The following SND1 variants were observed in gnomAD, a reference collection of about 807,000 sequenced individuals.
SND1 encodes staphylococcal nuclease and tudor domain containing 1, also known as staphylococcal nuclease domain-containing protein 1.
Under a neutral mutation model 121.7 loss-of-function variants are expected in SND1, and 38 were observed. The observed-to-expected ratio is 0.31, with a 90% CI of 0.24 to 0.41. The LOEUF is 0.41. SND1 is among the 10% of genes least tolerant of loss of function. The pLI, the probability that SND1 is intolerant of heterozygous loss-of-function variation, is 1.00. For synonymous variants in SND1, 401 were observed against 447.4 expected, an observed-to-expected ratio of 0.90 and a Z score of 1.31; for missense variants, 868 against 1,184.6, an observed-to-expected ratio of 0.73 and a Z score of 3.92.
chr7:128,014,026 T>A (rs917964223), intron 16 of SND1, among the ~76,000 whole-genome samples: 1 of 152,238 alleles, frequency 6.6e-6, no homozygotes, highest in African/African-American at 2.4e-5. Flanking sequence ...TCTCCTTCCT[T>A]GCCTGGGGCT....
intron 1 of SND1, among the ~76,000 whole-genome samples, chr7:127,684,785 T>C (rs1410352230): frequency 6.6e-6 from 1 of 152,158 alleles, no homozygotes; most frequent in Non-Finnish European, 1.5e-5. Flanking sequence ...TGTGTGTGTG[T>C]GCCATGGTAT....
intron 22 of SND1, 128 bp from the exon 23 acceptor site, chr7:128,091,709 C>G: frequency 1.1e-6 from 1 of 930,216 alleles, no homozygotes; most frequent in Non-Finnish European, 1.8e-6. Flanking sequence ...TCTGAGGGAA[C>G]TAAGGCTCCA....
At chr7:128,042,677 C>T (rs999563090) in intron 16 of SND1, among the ~76,000 whole-genome samples, 5 of 152,138 alleles carry the variant, frequency 3.3e-5, no homozygotes, top group Admixed American at 6.5e-5. Context: ...TCTTTTGCAC[C>T]TATTATCTGA....
intron 11 of SND1, among the ~76,000 whole-genome samples, chr7:127,822,747 G>A (rs1378793288): frequency 1.3e-5 from 2 of 152,024 alleles, no homozygotes; most frequent in Non-Finnish European, 2.9e-5. Context: ...TTACTGTTTT[G>A]TAACCTGCAA....
intron 15 of SND1, among the ~76,000 whole-genome samples, chr7:127,951,368 G>C (rs971951738): frequency 6.6e-5 from 10 of 152,198 alleles, no homozygotes; most frequent in African/African-American, 1.9e-4. Flanking sequence ...AACTAAAATA[G>C]TGACACTCAT....
At chr7:127,870,021 G>A (rs1162926677) in intron 12 of SND1, among the ~76,000 whole-genome samples, 1 of 152,144 alleles carries the variant, frequency 6.6e-6, no homozygotes, top group East Asian at 1.9e-4. Flanking sequence ...GTAGGAGACA[G>A]GCTGTCATGG....
At chr7:127,930,317 ATGCTTGC>A (rs1444909350) in intron 15 of SND1, among the ~76,000 whole-genome samples, 1 of 152,224 alleles carries the variant, frequency 6.6e-6, no homozygotes, top group Admixed American at 6.5e-5. Flanking sequence ...AACGGGAGTC[ATGCTTGC>A]TGCCTCCTGC....
At chr7:128,028,482 A>T in intron 16 of SND1, 9 of 502,548 alleles carry the variant, frequency 1.8e-5, no homozygotes, top group South Asian at 6.2e-5. Flanking sequence ...CACCCCCTTT[A>T]AATAGAACTT....
chr7:127,686,754 C>T lies in SND1; in HGVS notation c.220C>T (p.Pro74Ser). The T allele has an allele frequency of 6.2e-7, 1 of 1,613,512 alleles. No individual in the cohort carries two copies. The highest frequency in any genetic ancestry group is 1.7e-5 in the Admixed American group (1 of 59,988). ...AATQPDAKDT[P>S]DEPWAFPARE... ...CACACAACCTGATGCAAAGGATACC[C>T]CTGATGAGGTAGGTGTTTCCTGAGG... Residue 74 changes from proline to serine, a missense_variant, in exon 2 of 24, where the codon CCT (proline) becomes TCT (serine). Physicochemically the swap from Pro to Ser is moderately conservative, Grantham distance 74. Around this residue, in one of 2 missense-constraint regions of SND1, gnomAD observed 125 missense variants for 113.3 expected, o/e 1.10. Transcript: ENST00000354725.
intron 10 of SND1, among the ~76,000 whole-genome samples, chr7:127,779,078 G>A: frequency 6.6e-6 from 1 of 152,176 alleles, no homozygotes; most frequent in East Asian, 1.9e-4. Flanking sequence ...GTACCTACCT[G>A]CATACTTGAA....
chr7:127,770,096 G>A (rs749788113), intron 10 of SND1, among the ~76,000 whole-genome samples: 1 of 152,220 alleles, frequency 6.6e-6, no homozygotes, highest in Non-Finnish European at 1.5e-5. Context: ...TGTGCAGGGT[G>A]GCAGGCAGTG....
intron 11 of SND1, 125 bp downstream of exon 11, chr7:127,807,698 T>G: frequency 1.4e-6 from 1 of 734,504 alleles, no homozygotes; most frequent in Non-Finnish European, 2.4e-6. Context: ...CAAATGGAAT[T>G]ACTTTGATAT....
chr7:127,937,010 G>T (rs1048854028), intron 15 of SND1, among the ~76,000 whole-genome samples: 3 of 152,238 alleles, frequency 2.0e-5, no homozygotes, highest in Non-Finnish European at 2.9e-5. Flanking sequence ...AGCATAGCAG[G>T]TATCAAGGCA....
chr7:127,723,969 C>G (rs1796540325), intron 10 of SND1, among the ~76,000 whole-genome samples: 1 of 152,200 alleles, frequency 6.6e-6, no homozygotes, highest in Non-Finnish European at 1.5e-5. Flanking sequence ...ATTGGCACTA[C>G]ATTTTAATTC....
At chr7:127,929,084 G>T in intron 14 of SND1, 104 bp from the exon 15 acceptor site, 1 of 1,112,334 alleles carries the variant, frequency 9.0e-7, no homozygotes, top group Non-Finnish European at 1.3e-6. Context: ...TATAAATAGG[G>T]TTATTTGCTT....
chr7:127,928,246 A>C (rs886243473), intron 14 of SND1: 1 of 152,178 alleles, frequency 6.6e-6, no homozygotes, highest in Non-Finnish European at 1.5e-5. Flanking sequence ...ATTCCTGCTG[A>C]CATGAAGTAG....
At chr7:127,813,093 G>C (rs577370714) in intron 11 of SND1, among the ~76,000 whole-genome samples, 2 of 152,326 alleles carry the variant, frequency 1.3e-5, no homozygotes. Flanking sequence ...GCTGTTCGGT[G>C]TGGCTGTAAA....
chr7:127,789,642 A>G (rs1025075), intron 10 of SND1, among the ~76,000 whole-genome samples: 143,907 of 152,278 alleles, frequency 0.95, 68,444 homozygotes, highest in Non-Finnish European at 1. Context: ...ATAAAAAGGC[A>G]TGCAGGTTGG....
In SND1 at chr7:128,042,878, C is replaced by G. The variant is rs185234820; in HGVS notation, c.1780-31624C>G. Among the ~76,000 whole-genome samples, 30 of 152,334 alleles carry G rather than the reference C, an allele frequency of 2.0e-4. No homozygotes were observed. The East Asian group carries it at 4.1e-3, about 21-fold the overall frequency. ...TGCCAGCTGCTATCTGAATCTGTCT[C>G]TTTTAAGATGTTATTTGTTATTAAT... is the stretch of plus-strand genomic sequence containing the variant. On this transcript the variant is annotated intron_variant, in intron 16 of 23. Transcript: ENST00000354725.
Sources: gnomAD v4.1 joint callset for allele counts (sites outside exome capture counted in the v4.1 genomes callset) on GRCh38, gnomAD v4.1.1 for gene constraint, gnomAD v4.1.1 regional missense constraint, MANE v1.5 for transcripts, NCBI Gene and HGNC (gene_info 2026-07-23, HGNC 2026-07-21) for gene names.